The following MRPL37 variants were observed in gnomAD, a reference collection of about 807,000 sequenced individuals.
MRPL37 encodes mitochondrial ribosomal protein L37.
Under a neutral mutation model 44.1 loss-of-function variants are expected in MRPL37, and 34 were observed. The observed-to-expected ratio is 0.77, with a 90% CI of 0.59 to 1.03. The LOEUF (loss-of-function observed/expected upper bound fraction) is 1.03. Among genes scored for constraint, MRPL37 ranks in the 50% least tolerant of loss-of-function variants. The pLI is 0.00. For synonymous variants in MRPL37, 212 were observed against 219.5 expected (o/e 0.97, Z 0.30); for missense variants, 532 against 543.7 (o/e 0.98, Z 0.21).
chr1:54,222,157 T>C (rs1196161315), downstream of MRPL37, among the ~76,000 whole-genome samples: 1 of 152,182 alleles, frequency 6.6e-6, no homozygotes, highest in Non-Finnish European at 1.5e-5. Context: ...CTGGCAATTC[T>C]CAGGACGAAG....
intron 1 of MRPL37, among the ~76,000 whole-genome samples, chr1:54,204,151 G>A (rs1644104496): frequency 6.6e-6 from 1 of 152,190 alleles, no homozygotes; most frequent in Admixed American, 6.5e-5. Flanking sequence ...GGGAGGCCTA[G>A]GCAGGCAGAT....
At chr1:54,225,249 C>A, downstream of MRPL37, 1 of 1,234,298 alleles carries the variant, frequency 8.1e-7, no homozygotes, top group Non-Finnish European at 1.0e-6. Context: ...CACCTTCCGC[C>A]AAGGCCATCG....
chr1:54,221,376 T>G (rs1215077389), downstream of MRPL37, among the ~76,000 whole-genome samples: 1 of 152,168 alleles, frequency 6.6e-6, no homozygotes, highest in East Asian at 1.9e-4. Flanking sequence ...GTGACCCGAT[T>G]GTCTTGACTC....
At chr1:54,206,468 G>T (rs1245990746) in intron 3 of MRPL37, among the ~76,000 whole-genome samples, 1 of 151,998 alleles carries the variant, frequency 6.6e-6, no homozygotes, top group Non-Finnish European at 1.5e-5. Context: ...GGAGTACAGT[G>T]GTGCAATCTC....
In MRPL37 at chr1:54,216,283, C is replaced by T. The variant is rs187763654; in HGVS notation, c.1133C>T (p.Ser378Leu). The change falls in exon 6 of 7, where the codon TCA (serine) becomes TTA (leucine). Residue 378 changes from serine to leucine, a missense_variant. Physicochemically the swap from Ser to Leu is moderately radical, Grantham distance 145. Coordinates refer to ENST00000360840, the MANE Select transcript of MRPL37 (RefSeq NM_016491.4). ...EGVKNLAWVD[S>L]DQLLYQHFWC... ...GTCAAGAATTTGGCCTGGGTGGACT[C>T]AGACCAGCTCCTCTATCAGCATTTT... The T allele has an allele frequency of 6.2e-7, 1 of 1,614,194 alleles. No homozygotes were observed. The highest frequency in any genetic ancestry group is 1.3e-5 in the African/African-American group (1 of 75,036).
intron 6 of MRPL37, 113 bp from the exon 7 acceptor site, chr1:54,218,059 C>G (rs777253574): frequency 2.0e-6 from 2 of 981,746 alleles, no homozygotes; most frequent in African/African-American, 1.6e-5. Context: ...GAGACGATGT[C>G]AGAAAAAGAA....
chr1:54,204,985 C>T (rs1557731024), intron 1 of MRPL37, 33 bp from the exon 2 acceptor site: 7 of 1,587,998 alleles, frequency 4.4e-6, no homozygotes, highest in Admixed American at 1.8e-5. Context: ...CTTTTTCTTT[C>T]CTTCTTTATT....
At chr1:54,222,079 G>A (rs1207380145), downstream of MRPL37, among the ~76,000 whole-genome samples, 1 of 152,178 alleles carries the variant, frequency 6.6e-6, no homozygotes, top group Non-Finnish European at 1.5e-5. Context: ...CACATTCTGG[G>A]GCTACTCAAC....
At chr1:54,200,644 C>T (rs1644073346) in intron 1 of MRPL37, 55 bp downstream of exon 1, 2 of 1,513,434 alleles carry the variant, frequency 1.3e-6, no homozygotes, top group Admixed American at 2.1e-5. Context: ...AGCACCGACC[C>T]CGACCCTCTG....
At chr1:54,204,599 A>C (rs1490185709) in intron 1 of MRPL37, among the ~76,000 whole-genome samples, 1 of 152,236 alleles carries the variant, frequency 6.6e-6, no homozygotes, top group Non-Finnish European at 1.5e-5. Context: ...TATTTGGTAG[A>C]CATAGACTAT....
chr1:54,218,051 G>A lies in MRPL37; in HGVS notation c.1195-121G>A, dbSNP rs562478732. 2.3e-4 allele frequency: 207 copies of A among 915,496 alleles called. 1 individual carries two copies. Among genetic ancestry groups the A allele is most frequent in the Middle Eastern group, 2.2e-3 (10 of 4,614 alleles). The allele number at this position is 915,496 out of a possible 1,614,324, so 56.7% of individuals were successfully genotyped here. A position where few individuals can be genotyped will look rare whatever the true frequency, so the allele number is the denominator to read the frequency against. ...ATGCCCCTTCTTAGTCCGAGAGAGAGACGATGTCAGAAAAAGAAAGTTACT... is the reference window on the plus strand; with the variant it reads ...ATGCCCCTTCTTAGTCCGAGAGAGAAACGATGTCAGAAAAAGAAAGTTACT... On this transcript the variant is annotated intron_variant, in intron 6 of 6. Transcript: ENST00000360840.
chr1:54,221,044 C>G (rs1306145168), downstream of MRPL37: 1 of 354,226 alleles, frequency 2.8e-6, no homozygotes, highest in Non-Finnish European at 5.7e-6. Context: ...CCTCCACTTC[C>G]TCGCTGGCAA....
At chr1:54,215,652 G>A (rs1022782728) in intron 5 of MRPL37, among the ~76,000 whole-genome samples, 3 of 152,164 alleles carry the variant, frequency 2.0e-5, no homozygotes, top group African/African-American at 7.2e-5. Flanking sequence ...ACCCATCTTC[G>A]TGACTTCCGG....
chr1:54,209,507 T>A (rs1318872668), intron 3 of MRPL37, among the ~76,000 whole-genome samples: 1 of 151,452 alleles, frequency 6.6e-6, no homozygotes, highest in Non-Finnish European at 1.5e-5. Flanking sequence ...TCACCCAGGC[T>A]GGAGTGCAGT....
chr1:54,200,506 ACCGCTCGCC>A lies in MRPL37; in HGVS notation c.266_274del (p.Arg89_Pro91del). 6.2e-7 allele frequency: 1 copy of A among 1,614,096 alleles called. No homozygotes were observed. Among genetic ancestry groups the A allele is most frequent in the Non-Finnish European group, 8.5e-7 (1 of 1,179,994 alleles). On this transcript the variant is annotated inframe_deletion, in exon 1 of 7. Transcript: ENST00000360840. ...CGCGGCTACAAGGACCCAAGGTTCT[ACCGCTCGCC>A]CCCTCTTCACGAGCATCCGCTGTAC... is the stretch of plus-strand genomic sequence containing the variant.
chr1:54,211,590 T>C (rs1368252557), intron 4 of MRPL37, among the ~76,000 whole-genome samples: 1 of 152,010 alleles, frequency 6.6e-6, no homozygotes, highest in Non-Finnish European at 1.5e-5. Context: ...CCTCCCAGGC[T>C]CAAGCAATCC....
downstream of MRPL37, chr1:54,225,287 G>C: frequency 8.1e-7 from 1 of 1,234,254 alleles, no homozygotes; most frequent in Non-Finnish European, 1.0e-6. Context: ...AGAATTTGCA[G>C]GCCCAGGAAA....
rs559038034 is a variant in MRPL37, at chr1:54,215,052, G to A, written c.991-1089G>A. Among the ~76,000 whole-genome samples, 5 of 152,276 alleles carry A rather than the reference G, an allele frequency of 3.3e-5. No homozygotes were observed. The South Asian group carries it at 1.0e-3, about 32-fold the overall frequency. On this transcript the variant is annotated intron_variant, in intron 5 of 6. Transcript: ENST00000360840. ...TGAATCAAGGATGGCCTGCTTCATG[G>A]GGCCTGCCTGTTGGATCTTTGTTCA...
rs770488000 is a variant in MRPL37 at position 54,200,460 on chromosome 1, C to T, written c.217C>T (p.Pro73Ser). The change falls in exon 1 of 7, where the codon CCG becomes TCG. Residue 73 changes from proline to serine, a missense_variant. Pro to Ser is a moderately conservative substitution (Grantham distance 74, BLOSUM62 -1). Transcript: ENST00000360840. ...KMHFVPWLAR[P>S]IFPPWDRGYK... ...GCACTTCGTGCCCTGGCTGGCGCGG[C>T]CGATCTTTCCGCCCTGGGACCGCGG... 7 of 1,614,118 alleles carry T rather than the reference C, an allele frequency of 4.3e-6. No homozygotes were observed. The African/African-American group carries it at 9.3e-5, about 22-fold the overall frequency.
Sources: allele counts gnomAD v4.1 joint callset (sites outside exome capture counted in the v4.1 genomes callset), GRCh38; gene constraint gnomAD v4.1.1; transcripts MANE v1.5; gene names NCBI Gene and HGNC (gene_info 2026-07-23, HGNC 2026-07-21).